The following THSD4 variants were observed in gnomAD, a reference collection of about 807,000 sequenced individuals.
The protein encoded by THSD4 is thrombospondin type 1 domain containing 4, also known as thrombospondin type-1 domain-containing protein 4.
In THSD4, 69 loss-of-function variants were observed where a neutral mutation model predicts 119.0. That is an observed-to-expected ratio of 0.58 (90% confidence interval 0.48 to 0.71). The LOEUF (loss-of-function observed/expected upper bound fraction) is 0.71, where lower values mean the gene tolerates loss of function less well. Ranked by LOEUF, THSD4 falls within the 30% of genes least tolerant of loss-of-function variation. The pLI is 0.00. For synonymous variants in THSD4, 524 were observed against 540.4 expected (o/e 0.97, Z 0.42); for missense variants, 1,393 against 1,391.1 (o/e 1.00, Z -0.02).
At chr15:71,429,124 T>C (rs1566979286) in intron 7 of THSD4, among the ~76,000 whole-genome samples, 1 of 152,154 alleles carries the variant, frequency 6.6e-6, no homozygotes, top group Non-Finnish European at 1.5e-5. Context: ...AAAAGGCAGG[T>C]TAAAAGGAGA....
chr15:71,713,577 A>G (rs1314293220), intron 8 of THSD4, among the ~76,000 whole-genome samples: 2 of 152,124 alleles, frequency 1.3e-5, no homozygotes, highest in East Asian at 1.9e-4. Context: ...CTTCATTGTG[A>G]TATTTCACAA....
intron 7 of THSD4, among the ~76,000 whole-genome samples, chr15:71,421,860 CT>C (rs1566976992): frequency 3.9e-5 from 6 of 152,106 alleles, no homozygotes. Context: ...TTCCTTTTTA[CT>C]TTTTTTCTTT....
intron 8 of THSD4, among the ~76,000 whole-genome samples, chr15:71,684,631 A>T (rs1007776381): frequency 6.0e-5 from 9 of 150,066 alleles, no homozygotes; most frequent in Non-Finnish European, 1.2e-4. Context: ...ACCCTGTTTC[A>T]TCTTGCTGAA....
chr15:71,770,650 A>G (rs111238629), intron 16 of THSD4, among the ~76,000 whole-genome samples: 1 of 152,170 alleles, frequency 6.6e-6, no homozygotes, highest in Non-Finnish European at 1.5e-5. Flanking sequence ...GCAAGACTCC[A>G]TCTCAAAAAA....
chr15:71,562,378 A>AGGAAG (rs1201263880), intron 7 of THSD4, among the ~76,000 whole-genome samples: 1 of 148,136 alleles, frequency 6.8e-6, no homozygotes, highest in Admixed American at 6.6e-5. Context: ...GGAAGGTGGT[A>AGGAAG]GGAAGGGAAG....
intron 7 of THSD4, among the ~76,000 whole-genome samples, chr15:71,458,142 T>A (rs954043592): frequency 6.6e-6 from 1 of 152,228 alleles, no homozygotes; most frequent in African/African-American, 2.4e-5. Flanking sequence ...AATTCTTTAA[T>A]GACCATGGAT....
At chr15:71,165,372 T>G in intron 3 of THSD4, 9 of 1,488,010 alleles carry the variant, frequency 6.0e-6, no homozygotes, top group Non-Finnish European at 8.4e-6. Context: ...AAAATGCATA[T>G]GATGACATTT....
At chr15:71,163,343 A>G (rs1426216145) in intron 3 of THSD4, among the ~76,000 whole-genome samples, 1 of 152,002 alleles carries the variant, frequency 6.6e-6, no homozygotes, top group Non-Finnish European at 1.5e-5. Context: ...ACATAAACAA[A>G]TGCAAATGGA....
chr15:71,655,862 G>A (rs539827271), intron 7 of THSD4, among the ~76,000 whole-genome samples: 9 of 152,288 alleles, frequency 5.9e-5, no homozygotes, highest in South Asian at 4.1e-4. Context: ...AGCCAGATTC[G>A]TTTCTGAACA....
intron 7 of THSD4, among the ~76,000 whole-genome samples, chr15:71,587,806 A>AAAAAAAAAAAAACAAAAAAAAAAAAAAG (rs2049710419): frequency 7.9e-6 from 1 of 127,192 alleles, no homozygotes; most frequent in Non-Finnish European, 1.6e-5. Context: ...AAAAGAAAAA[A>AAAAAAAAAAAAACAAAAAAAAAAAAAAG]AAAAAAGAAA....
At chr15:71,713,895 G>A (rs1323411679) in intron 8 of THSD4, among the ~76,000 whole-genome samples, 1 of 152,142 alleles carries the variant, frequency 6.6e-6, no homozygotes, top group Non-Finnish European at 1.5e-5. Context: ...ACTGGACAAT[G>A]TTTCAGAACC....
intron 14 of THSD4, among the ~76,000 whole-genome samples, chr15:71,752,711 A>G (rs953609490): frequency 2.0e-5 from 3 of 152,176 alleles, no homozygotes; most frequent in African/African-American, 7.2e-5. Flanking sequence ...TAACCGCTGC[A>G]GTAATATATT....
chr15:71,214,106 A>G (rs765076774), intron 3 of THSD4, among the ~76,000 whole-genome samples: 1 of 151,910 alleles, frequency 6.6e-6, no homozygotes, highest in South Asian at 2.1e-4. Context: ...AAACACACCA[A>G]TCAGCACTCT....
In THSD4 at chr15:71,676,346, A is replaced by T. The variant is rs550798351; in HGVS notation, c.1357+15612A>T. Among the ~76,000 whole-genome samples, 27 of 152,178 alleles carry T rather than the reference A, an allele frequency of 1.8e-4. No individual in the cohort carries two copies. The South Asian group carries it at 1.9e-3, about 11-fold the overall frequency. On this transcript the variant is annotated intron_variant, in intron 8 of 17. Coordinates refer to ENST00000261862, the MANE Select transcript of THSD4 (RefSeq NM_024817.3). ...GCCCAGGTTGGAGTGCGGTGGCACG[A>T]TCTCAGCTCACTGCAACCTCTGCCT... is the stretch of plus-strand genomic sequence containing the variant.
Position 71,447,685 on chromosome 15 carries a change from G to A in THSD4, c.1152+35862G>A, listed in dbSNP as rs146823228. Among the ~76,000 whole-genome samples, 407 of 152,310 alleles carry A rather than the reference G, an allele frequency of 2.7e-3. 2 individuals are homozygous for A. Among genetic ancestry groups the A allele is most frequent in the African/African-American group, 9.2e-3 (381 of 41,564 alleles). On this transcript the variant is annotated intron_variant, in intron 7 of 17. Transcript: ENST00000261862. ...AAATAAAAGACAAAACCTGAGTTGT[G>A]TCAATTAGCGATGACATTCTCCTTG...
At chr15:71,366,526 T>C (rs1373117441) in intron 6 of THSD4, among the ~76,000 whole-genome samples, 1 of 152,160 alleles carries the variant, frequency 6.6e-6, no homozygotes, top group Admixed American at 6.5e-5. Context: ...CCTGGGAACA[T>C]TGAACTATAT....
At chr15:71,481,218 A>G (rs1471050629) in intron 7 of THSD4, among the ~76,000 whole-genome samples, 1 of 152,212 alleles carries the variant, frequency 6.6e-6, no homozygotes, top group Non-Finnish European at 1.5e-5. Flanking sequence ...AGAAGCCTCG[A>G]TTAGTTCTCA....
chr15:71,583,920 T>C (rs976258663), intron 7 of THSD4, among the ~76,000 whole-genome samples: 2 of 152,146 alleles, frequency 1.3e-5, no homozygotes, highest in Non-Finnish European at 2.9e-5. Flanking sequence ...GTTGGGTCCA[T>C]TTGGTCTATG....
chr15:71,594,615 T>G (rs1394161598), intron 7 of THSD4, among the ~76,000 whole-genome samples: 2 of 152,170 alleles, frequency 1.3e-5, no homozygotes, highest in African/African-American at 4.8e-5. Flanking sequence ...CTTAGGCCTC[T>G]TCCCTGGGGT....
Sources: gnomAD v4.1 joint callset for allele counts (sites outside exome capture counted in the v4.1 genomes callset) on GRCh38, gnomAD v4.1.1 for gene constraint, MANE v1.5 for transcripts, NCBI Gene and HGNC (gene_info 2026-07-23, HGNC 2026-07-21) for gene names.